Variants in NYAP2 observed in about 807,000 individuals in gnomAD.
NYAP2 encodes neuronal tyrosine-phosphorylated phosphoinositide-3-kinase adaptor 2.
Under a neutral mutation model 50.4 loss-of-function variants are expected in NYAP2, and 23 were observed. The observed-to-expected ratio is 0.46, with a 90% confidence interval of 0.33 to 0.65. The LOEUF is 0.65. NYAP2 is among the 30% of genes least tolerant of loss of function. The pLI, the probability that NYAP2 is intolerant of heterozygous loss-of-function variation, is 0.02. For synonymous variants in NYAP2, 394 were observed against 365.2 expected, an observed-to-expected ratio of 1.08 and a Z score of -0.90; for missense variants, 885 against 861.0, an observed-to-expected ratio of 1.03 and a Z score of -0.35.
chr2:225,515,229 GACAC>G (rs1352059494), intron 4 of NYAP2, among the ~76,000 whole-genome samples: 1 of 152,200 alleles, frequency 6.6e-6, no homozygotes, highest in Non-Finnish European at 1.5e-5. Context: ...ATGTGGTTAA[GACAC>G]ACAAATGAAT....
At chr2:225,436,786 G>T (rs1689386864) in intron 3 of NYAP2, among the ~76,000 whole-genome samples, 1 of 150,304 alleles carries the variant, frequency 6.7e-6, no homozygotes, top group African/African-American at 2.4e-5. Flanking sequence ...GAAGCCTCCT[G>T]GTTTCTTCTC....
rs2106257998 is a variant in NYAP2, at chr2:225,627,119, C to T, written c.1821C>T (p.His607=). ...GCCCCACCTTGTTAGCGGGAAACCA[C>T]AGTTCAGGTAAGGCAGATTATGATC... Residue 607 remains histidine (H), a synonymous_variant, in exon 6 of 7, where the codon CAC becomes CAT. Transcript: ENST00000636099. 4.4e-6 allele frequency: 7 copies of T among 1,582,886 alleles called. No individual in the cohort carries two copies. In the South Asian group the frequency reaches 8.1e-5, roughly 18 times the overall value.
chr2:225,407,564 G>C (rs1694963508), intron 2 of NYAP2, among the ~76,000 whole-genome samples: 1 of 151,792 alleles, frequency 6.6e-6, no homozygotes, highest in Admixed American at 6.6e-5. Context: ...TTATTATCCA[G>C]GTTTTGGAAC....
intron 3 of NYAP2, among the ~76,000 whole-genome samples, chr2:225,414,966 G>C (rs1239038464): frequency 6.6e-6 from 1 of 152,144 alleles, no homozygotes; most frequent in Non-Finnish European, 1.5e-5. Flanking sequence ...CCATAGGTAA[G>C]GGTAGGATTT....
chr2:225,450,400 A>T (rs1689630970), intron 3 of NYAP2, among the ~76,000 whole-genome samples: 1 of 152,216 alleles, frequency 6.6e-6, no homozygotes, highest in Admixed American at 6.5e-5. Flanking sequence ...AACTCAATTC[A>T]AGGTGTCCTA....
intron 4 of NYAP2, among the ~76,000 whole-genome samples, chr2:225,573,417 A>G (rs893343464): frequency 6.6e-6 from 1 of 151,644 alleles, no homozygotes; most frequent in Non-Finnish European, 1.5e-5. Flanking sequence ...ACGCTGGGCT[A>G]ATTTTTGTAT....
At chr2:225,484,817 G>A (rs918614308) in intron 3 of NYAP2, among the ~76,000 whole-genome samples, 1 of 152,224 alleles carries the variant, frequency 6.6e-6, no homozygotes, top group Non-Finnish European at 1.5e-5. Context: ...TTTCCAAAGC[G>A]TGGTCTTTGC....
chr2:225,436,758 A>AAAG (rs1553538803), intron 3 of NYAP2, among the ~76,000 whole-genome samples: 1 of 141,838 alleles, frequency 7.1e-6, no homozygotes, highest in African/African-American at 2.6e-5. Flanking sequence ...AAAAAAAAAA[A>AAAG]AGAGAGAAGA....
chr2:225,481,559 G>A (rs1025198474), intron 3 of NYAP2, among the ~76,000 whole-genome samples: 6 of 151,818 alleles, frequency 4.0e-5, no homozygotes, highest in African/African-American at 1.5e-4. Flanking sequence ...TTATGGGACC[G>A]GTTACTAATT....
intron 4 of NYAP2, among the ~76,000 whole-genome samples, chr2:225,559,830 T>C (rs567063381): frequency 6.6e-6 from 1 of 152,180 alleles, no homozygotes; most frequent in Admixed American, 6.6e-5. Flanking sequence ...AATATATCTG[T>C]TCATGTGCTG....
chr2:225,452,076 A>G (rs1689663223), intron 3 of NYAP2, among the ~76,000 whole-genome samples: 1 of 152,212 alleles, frequency 6.6e-6, no homozygotes, highest in South Asian at 2.1e-4. Flanking sequence ...ATTACCAGGA[A>G]GAATTGTTCC....
intron 3 of NYAP2, 61 bp downstream of exon 3, chr2:225,409,162 A>G (rs1191851030): frequency 7.9e-7 from 1 of 1,258,708 alleles, no homozygotes; most frequent in Non-Finnish European, 1.1e-6. Flanking sequence ...GAGGGCTGCT[A>G]AAGTTGTGAT....
At chr2:225,501,535 C>T (rs1274491925) in intron 3 of NYAP2, among the ~76,000 whole-genome samples, 1 of 152,138 alleles carries the variant, frequency 6.6e-6, no homozygotes, top group Non-Finnish European at 1.5e-5. Flanking sequence ...GGTCACAAAA[C>T]TAGTTTGTAA....
Position 225,582,346 on chromosome 2 carries a change from C to T in NYAP2, c.929C>T (p.Ser310Leu), listed in dbSNP as rs1240828834. The T allele has an allele frequency of 1.2e-6, 2 of 1,613,788 alleles. No homozygotes were observed. Among genetic ancestry groups the T allele is most frequent in the Admixed American group, 1.7e-5 (1 of 60,030 alleles). Residue 310 changes from serine to leucine, a missense_variant, in exon 5 of 7, where the codon TCA (serine) becomes TTA (leucine). Transcript: ENST00000636099. The surrounding 1 kb of genome is among the most constrained non-coding windows in gnomAD (Gnocchi z 7.0). ...CCTGACTTGGACTTCGCCAAGGCCTCAGTGCCATGCCCCCCCAAGGGGCTG... is the reference window on the plus strand; with the variant it reads ...CCTGACTTGGACTTCGCCAAGGCCTTAGTGCCATGCCCCCCCAAGGGGCTG...
intron 3 of NYAP2, among the ~76,000 whole-genome samples, chr2:225,506,166 T>C (rs1431083): frequency 0.55 from 83,153 of 152,012 alleles, 22,943 homozygotes; most frequent in East Asian, 0.65. Flanking sequence ...ACTAATCCTT[T>C]TATTAGGCTA....
chr2:225,532,980 T>C (rs1036866412), intron 4 of NYAP2, among the ~76,000 whole-genome samples: 2 of 152,086 alleles, frequency 1.3e-5, no homozygotes, highest in Non-Finnish European at 2.9e-5. Context: ...TTCTCTCCCT[T>C]AAAAGTCATG....
intron 5 of NYAP2, among the ~76,000 whole-genome samples, chr2:225,589,519 ATATATAT>A (rs1692455012): frequency 2.4e-5 from 3 of 126,544 alleles, no homozygotes; most frequent in South Asian, 2.6e-4. Flanking sequence ...AAAGTAAAAT[ATATATAT>A]ATATATATAT....
intron 3 of NYAP2, among the ~76,000 whole-genome samples, chr2:225,509,500 A>T (rs1385269933): frequency 2.0e-5 from 3 of 152,088 alleles, no homozygotes; most frequent in Middle Eastern, 3.4e-3. Flanking sequence ...GCAGCCCTGA[A>T]CTCCTGGGCT....
At chr2:225,518,996 C>T (rs1016458330) in intron 4 of NYAP2, among the ~76,000 whole-genome samples, 9 of 151,644 alleles carry the variant, frequency 5.9e-5, no homozygotes, top group Admixed American at 4.6e-4. Context: ...GAAGCCTGGG[C>T]GACTGAGTGA....
Sources: allele counts gnomAD v4.1 joint callset (sites outside exome capture counted in the v4.1 genomes callset), GRCh38; gene constraint gnomAD v4.1.1; non-coding constraint Gnocchi (gnomAD v3.1); transcripts MANE v1.5; gene names NCBI Gene and HGNC (gene_info 2026-07-23, HGNC 2026-07-21).